Variants in GFRA1 observed in about 807,000 individuals in gnomAD.
GFRA1 encodes the protein GDNF family receptor alpha-1.
Under a neutral mutation model 51.6 loss-of-function variants are expected in GFRA1, and 16 were observed. The observed-to-expected ratio is 0.31, with a 90% CI of 0.21 to 0.47. The LOEUF (loss-of-function observed/expected upper bound fraction) is 0.47, where lower values mean the gene tolerates loss of function less well. Among genes scored for constraint, GFRA1 ranks in the 20% least tolerant of loss-of-function variants. The pLI, the probability that GFRA1 is intolerant of heterozygous loss-of-function variation, is 1.00. For missense variants in GFRA1, 530 were observed against 594.3 expected (o/e 0.89, Z 1.13); for synonymous variants, 270 against 241.3 (o/e 1.12, Z -1.10).
chr10:116,160,969 G>A (rs1458538592), intron 5 of GFRA1, among the ~76,000 whole-genome samples: 1 of 152,212 alleles, frequency 6.6e-6, no homozygotes, highest in Non-Finnish European at 1.5e-5. Context: ...GCAGAAACCA[G>A]GACATACTCC....
At chr10:116,226,899 G>A (rs184798490) in intron 4 of GFRA1, 18 of 177,686 alleles carry the variant, frequency 1.0e-4, no homozygotes, top group East Asian at 2.9e-4. Context: ...AAAAGGGTTC[G>A]CGCTCCTATG....
Position 116,061,688 on chromosome 10 carries a change from G to A in GFRA1, c.*2710C>T, listed in dbSNP as rs1413728451. 3 of 272,064 alleles carry A rather than the reference G, an allele frequency of 1.1e-5. No homozygotes were observed. The highest frequency in any genetic ancestry group is 1.1e-4 in the Admixed American group (2 of 18,808). The allele number at this position is 272,064 out of a possible 1,614,324, so 16.9% of individuals were successfully genotyped here. ...CCTGCAAGACACCCAAACCTCAGCA[G>A]ATAACCCCTGTCTTCAGTGGCACCC... On this transcript the variant is annotated 3_prime_UTR_variant, in exon 11 of 11. Transcript: ENST00000355422.
intron 5 of GFRA1, among the ~76,000 whole-genome samples, chr10:116,149,014 G>A (rs2134128877): frequency 7.0e-6 from 1 of 143,146 alleles, no homozygotes; most frequent in South Asian, 2.4e-4. Flanking sequence ...GGGACTGGCT[G>A]GACACTGTCA....
At chr10:116,156,846 A>G (rs995022665) in intron 5 of GFRA1, among the ~76,000 whole-genome samples, 1 of 152,102 alleles carries the variant, frequency 6.6e-6, no homozygotes, top group African/African-American at 2.4e-5. Context: ...AGCTGTACCC[A>G]TTGTGTTTCC....
chr10:116,106,813 G>C (rs1160727020), intron 6 of GFRA1, among the ~76,000 whole-genome samples: 1 of 152,180 alleles, frequency 6.6e-6, no homozygotes, highest in Non-Finnish European at 1.5e-5. Context: ...CCTGGTGGGA[G>C]GTGTCTGGGA....
chr10:116,062,590 A>G lies in GFRA1; in HGVS notation c.*1808T>C, dbSNP rs2133749575. 1 of 152,802 alleles carries G rather than the reference A, an allele frequency of 6.5e-6. No homozygotes were observed. The highest frequency in any genetic ancestry group is 2.1e-4 in the South Asian group (1 of 4,826). 9.5% of individuals were successfully genotyped at this position (152,802 alleles called of 1,614,324 possible). On this transcript the variant is annotated 3_prime_UTR_variant, in exon 11 of 11. Transcript: ENST00000355422. ...CTTATCTTACAAGGCAAACACCAGC[A>G]GGCAAAGGGGATCTGTAGAAATGTG...
At chr10:116,143,526 G>A (rs1958663626) in intron 5 of GFRA1, among the ~76,000 whole-genome samples, 1 of 152,118 alleles carries the variant, frequency 6.6e-6, no homozygotes, top group African/African-American at 2.4e-5. Context: ...CCAAATTTCT[G>A]AAAGGGTCAC....
intron 5 of GFRA1, among the ~76,000 whole-genome samples, chr10:116,203,777 A>T (rs1045782773): frequency 6.6e-6 from 1 of 152,238 alleles, no homozygotes; most frequent in Non-Finnish European, 1.5e-5. Flanking sequence ...TTAAGCATTC[A>T]ATCAATTAGG....
intron 4 of GFRA1, among the ~76,000 whole-genome samples, chr10:116,232,698 C>T (rs1966758939): frequency 6.6e-6 from 1 of 152,172 alleles, no homozygotes; most frequent in African/African-American, 2.4e-5. Flanking sequence ...ATATTTTAAT[C>T]ATTAAACTCC....
intron 7 of GFRA1, among the ~76,000 whole-genome samples, chr10:116,096,066 C>G (rs1956558779): frequency 6.6e-6 from 1 of 152,038 alleles, no homozygotes; most frequent in African/African-American, 2.4e-5. Context: ...TCTTCTAAAG[C>G]CTTGGGTCTT....
chr10:116,094,531 C>T (rs3781507), intron 7 of GFRA1, among the ~76,000 whole-genome samples: 43,798 of 152,064 alleles, frequency 0.29, 7,131 homozygotes, highest in East Asian at 0.7. Context: ...TAAACTGGCA[C>T]AAACACACAA....
At chr10:116,165,119 T>G (rs1213724834) in intron 5 of GFRA1, among the ~76,000 whole-genome samples, 4 of 152,198 alleles carry the variant, frequency 2.6e-5, no homozygotes, top group Admixed American at 2.0e-4. Context: ...CTGAAATCTC[T>G]GAGTCTGAGG....
intron 5 of GFRA1, among the ~76,000 whole-genome samples, chr10:116,174,926 G>A (rs956195423): frequency 4.0e-5 from 6 of 151,648 alleles, no homozygotes; most frequent in East Asian, 1.9e-4. Flanking sequence ...TTGCACCACC[G>A]TTCCTTATAA....
intron 5 of GFRA1, among the ~76,000 whole-genome samples, chr10:116,150,321 T>C (rs1373598687): frequency 1.3e-5 from 2 of 152,134 alleles, no homozygotes; most frequent in Non-Finnish European, 2.9e-5. Flanking sequence ...ACATTGCTCT[T>C]CCTTAAAAAA....
chr10:116,137,947 G>A (rs916500720), intron 5 of GFRA1, among the ~76,000 whole-genome samples: 1 of 151,992 alleles, frequency 6.6e-6, no homozygotes, highest in Non-Finnish European at 1.5e-5. Flanking sequence ...GATTACGGAT[G>A]CCCAACACTA....
chr10:116,194,579 C>T (rs191541822), intron 5 of GFRA1, among the ~76,000 whole-genome samples: 1 of 152,220 alleles, frequency 6.6e-6, no homozygotes, highest in East Asian at 1.9e-4. Context: ...TACAGAATTA[C>T]CCTACATCTG....
At chr10:116,197,243 C>T (rs7088281) in intron 5 of GFRA1, among the ~76,000 whole-genome samples, 2,300 of 152,030 alleles carry the variant, frequency 0.015, 64 homozygotes, top group African/African-American at 0.053. Context: ...GAGATTAGGG[C>T]CCTTAGGACT....
chr10:116,145,981 A>G (rs1042772893), intron 5 of GFRA1, among the ~76,000 whole-genome samples: 4 of 152,136 alleles, frequency 2.6e-5, no homozygotes, highest in African/African-American at 9.7e-5. Context: ...ACATTTATAT[A>G]AAGAATAAAA....
intron 4 of GFRA1, among the ~76,000 whole-genome samples, chr10:116,248,943 C>A (rs1968090043): frequency 2.0e-5 from 3 of 152,238 alleles, no homozygotes; most frequent in Admixed American, 2.0e-4. Context: ...GCTGAGTCTG[C>A]AGGCCAGCTC....
Sources: allele counts gnomAD v4.1 joint callset (sites outside exome capture counted in the v4.1 genomes callset), GRCh38; gene constraint gnomAD v4.1.1; transcripts MANE v1.5; gene names NCBI Gene and HGNC (gene_info 2026-07-23, HGNC 2026-07-21).